The following SNX29 variants were observed in gnomAD, a reference collection of about 807,000 sequenced individuals.
The protein encoded by SNX29 is sorting nexin-29.
SNX29 carries 78 observed loss-of-function variants against 102.1 expected under a neutral mutation model. That is an observed-to-expected ratio of 0.76 (90% confidence interval 0.64 to 0.92). The LOEUF is 0.92. Ranked by LOEUF, SNX29 falls within the 40% of genes least tolerant of loss-of-function variation. The probability of loss-of-function intolerance (pLI) is 0.00; values close to 1 mark genes in which losing one functional copy is unlikely to be tolerated. For synonymous variants in SNX29, 580 were observed against 414.5 expected, an observed-to-expected ratio of 1.40 and a Z score of -4.85; for missense variants, 1,280 against 1,061.7, an observed-to-expected ratio of 1.21 and a Z score of -2.86.
intron 19 of SNX29, among the ~76,000 whole-genome samples, chr16:12,513,939 C>A (rs1035270484): frequency 1.3e-5 from 2 of 152,320 alleles, no homozygotes; most frequent in African/African-American, 4.8e-5. Flanking sequence ...CAATTAGCAA[C>A]CGCACAGTGG....
chr16:12,351,473 TAATC>T lies in SNX29; in HGVS notation c.1783-4687_1783-4684del, dbSNP rs1211634988. On this transcript the variant is annotated intron_variant, in intron 15 of 20. Transcript: ENST00000566228. ...ATTTTGGGGGGTGTCTTGATCTAATTAATCAAGAAGCATCTAATTTGTTAGCTGG... is the reference window on the plus strand; with the variant it reads ...ATTTTGGGGGGTGTCTTGATCTAATTAAGAAGCATCTAATTTGTTAGCTGG... Among the ~76,000 whole-genome samples, 4 of 152,184 alleles carry T rather than the reference TAATC, an allele frequency of 2.6e-5. No homozygotes were observed. The South Asian group carries it at 6.2e-4, about 24-fold the overall frequency.
At chr16:12,001,321 C>T (rs1029262146) in intron 2 of SNX29, among the ~76,000 whole-genome samples, 15 of 152,234 alleles carry the variant, frequency 9.9e-5, no homozygotes, top group African/African-American at 3.6e-4. Context: ...CCATGTTGGC[C>T]AGGCTGGTCT....
At chr16:12,078,736 G>C in intron 10 of SNX29, 97 bp from the exon 11 acceptor site, 1 of 961,024 alleles carries the variant, frequency 1.0e-6, no homozygotes, top group Non-Finnish European at 1.6e-6. Flanking sequence ...TTCTAGTAGA[G>C]GTACCGGAGT....
At chr16:12,227,849 G>A (rs1047052191) in intron 14 of SNX29, among the ~76,000 whole-genome samples, 4 of 143,048 alleles carry the variant, frequency 2.8e-5, no homozygotes, top group African/African-American at 5.3e-5. Flanking sequence ...GCAGTGAGCT[G>A]AGATCCAGCC....
chr16:12,320,270 G>A (rs1232030177), intron 15 of SNX29, among the ~76,000 whole-genome samples: 1 of 152,168 alleles, frequency 6.6e-6, no homozygotes, highest in East Asian at 1.9e-4. Context: ...ATAGCAGGCA[G>A]AGAGGGCACA....
intron 11 of SNX29, among the ~76,000 whole-genome samples, chr16:12,080,152 C>G (rs2051793473): frequency 1.3e-5 from 2 of 152,184 alleles, no homozygotes; most frequent in East Asian, 1.9e-4. Flanking sequence ...CAGTATACCA[C>G]TCGTGTCTTG....
In SNX29 at chr16:12,048,469, A is replaced by C. The variant is rs1326177254; in HGVS notation, c.597A>C (p.Ser199=). 6.2e-7 allele frequency: 1 copy of C among 1,613,954 alleles called. No homozygotes were observed. The highest frequency in any genetic ancestry group is 2.2e-5 in the East Asian group (1 of 44,874). The change falls in exon 7 of 21, where the codon TCA becomes TCC. Residue 199 remains serine (S), a synonymous_variant. Transcript: ENST00000566228. ...CCGTTTCAGACCTCTTAAAGGAGTC[A>C]ACGCAGAACGTGACCTCCTTGCTGA... ...APTVSDLLKE[S]TQNVTSLLKE... is the part of the protein sequence containing the mutation.
chr16:12,344,317 T>G (rs751094208), intron 15 of SNX29, among the ~76,000 whole-genome samples: 4 of 152,174 alleles, frequency 2.6e-5, no homozygotes, highest in African/African-American at 4.8e-5. Context: ...CATGGTGGTG[T>G]GAGAAAGGAC....
intron 15 of SNX29, among the ~76,000 whole-genome samples, chr16:12,296,929 T>C (rs1232575349): frequency 6.6e-6 from 1 of 152,214 alleles, no homozygotes; most frequent in Non-Finnish European, 1.5e-5. Flanking sequence ...ATGGGGGCTT[T>C]CCTGTGTGTA....
chr16:12,388,829 C>G (rs1292408295), intron 16 of SNX29, among the ~76,000 whole-genome samples: 1 of 152,220 alleles, frequency 6.6e-6, no homozygotes, highest in African/African-American at 2.4e-5. Context: ...CTGTAACACA[C>G]TTGCACGTAG....
chr16:12,512,815 T>A (rs1437869404), intron 19 of SNX29, among the ~76,000 whole-genome samples: 3 of 152,146 alleles, frequency 2.0e-5, no homozygotes, highest in Admixed American at 6.5e-5. Flanking sequence ...CTGAATCCGA[T>A]CCCATGGACT....
chr16:12,408,177 CAAAA>C lies in SNX29; in HGVS notation c.2037+4655_2037+4658del, dbSNP rs559151631. On this transcript the variant is annotated intron_variant, in intron 18 of 20. Transcript: ENST00000566228. ...CTTCTCAAAAAAACAAACAAACAAA[CAAAA>C]AAAAAACTAGAAGCAGCTGGGACAG... Among the ~76,000 whole-genome samples the C allele has an allele frequency of 4.6e-4, 61 of 133,536 alleles. No individual in the cohort carries two copies. The South Asian group carries it at 6.8e-3, about 15-fold the overall frequency. The allele number at this position is 133,536 out of a possible 152,430, so 87.6% of individuals were successfully genotyped here. A position where few individuals can be genotyped will look rare whatever the true frequency, so the allele number is the denominator to read the frequency against.
intron 14 of SNX29, among the ~76,000 whole-genome samples, chr16:12,233,279 C>A (rs1252035866): frequency 6.6e-6 from 1 of 152,146 alleles, no homozygotes; most frequent in Non-Finnish European, 1.5e-5. Context: ...GAAATCTTGC[C>A]CTTTGCAGCA....
chr16:11,995,772 A>G (rs1196319822), intron 1 of SNX29, among the ~76,000 whole-genome samples: 1 of 151,964 alleles, frequency 6.6e-6, no homozygotes, highest in Admixed American at 6.6e-5. Context: ...TACGAGAAAC[A>G]CAGAGTTGGC....
intron 16 of SNX29, among the ~76,000 whole-genome samples, chr16:12,395,594 G>A (rs930271179): frequency 6.6e-6 from 1 of 152,202 alleles, no homozygotes; most frequent in Non-Finnish European, 1.5e-5. Flanking sequence ...TGCAGGGTCA[G>A]GGAGAGGTGA....
chr16:12,085,829 C>A (rs1434239872), intron 11 of SNX29, among the ~76,000 whole-genome samples: 1 of 152,228 alleles, frequency 6.6e-6, no homozygotes, highest in South Asian at 2.1e-4. Context: ...TTATATTATT[C>A]TCTTTTGTAT....
In SNX29 at chr16:12,572,095, G is replaced by A. The variant is rs186048559; in HGVS notation, c.*3466G>A. The A allele has an allele frequency of 9.9e-5, 105 of 1,058,788 alleles. 2 individuals carry two copies. In the African/African-American group the frequency reaches 1.6e-3, roughly 16 times the overall value. 65.6% of individuals were successfully genotyped at this position (1,058,788 alleles called of 1,614,324 possible). ...ATCTAGGAAGAGGAAGGGGAGGGAT[G>A]TGGACTGGGTCTGATCACAGCCCTT... is the stretch of plus-strand genomic sequence containing the variant. On this transcript the variant is annotated 3_prime_UTR_variant, in exon 21 of 21. Coordinates refer to ENST00000566228, the MANE Select transcript of SNX29 (RefSeq NM_032167.5).
In SNX29 at chr16:12,296,444, C is replaced by T. The variant is rs150320495; in HGVS notation, c.1782+18408C>T. ...TTATAACAATTTGTTTTTGGTGTAG[C>T]ACTTCACATGTCTTGATCATTACTA... On this transcript the variant is annotated intron_variant, in intron 15 of 20. Transcript: ENST00000566228. 2.2e-3 allele frequency among the ~76,000 whole-genome samples: 335 copies of T among 152,278 alleles called. 1 individual carries two copies. Among genetic ancestry groups the T allele is most frequent in the Middle Eastern group, 6.8e-3 (2 of 294 alleles).
chr16:12,456,354 C>T (rs2086536977), intron 18 of SNX29, among the ~76,000 whole-genome samples: 1 of 152,146 alleles, frequency 6.6e-6, no homozygotes, highest in African/African-American at 2.4e-5. Context: ...ACAGTGTCAA[C>T]CTATGGCATC....
Sources: gnomAD v4.1 joint callset for allele counts (sites outside exome capture counted in the v4.1 genomes callset) on GRCh38, gnomAD v4.1.1 for gene constraint, MANE v1.5 for transcripts, NCBI Gene and HGNC (gene_info 2026-07-23, HGNC 2026-07-21) for gene names.